The following SNX9 variants were observed in gnomAD, a reference collection of about 807,000 sequenced individuals.
SNX9 encodes the protein sorting nexin 9, also known as sorting nexin-9.
SNX9 carries 44 observed loss-of-function variants against 89.4 expected under a neutral mutation model. That is an observed-to-expected ratio of 0.49 (90% CI 0.39 to 0.63). The LOEUF (loss-of-function observed/expected upper bound fraction) is 0.63, where lower values mean the gene tolerates loss of function less well. SNX9 is among the 30% of genes least tolerant of loss of function. The pLI is 0.00. For synonymous variants in SNX9, 236 were observed against 247.8 expected, an observed-to-expected ratio of 0.95 and a Z score of 0.45; for missense variants, 578 against 736.1, an observed-to-expected ratio of 0.79 and a Z score of 2.49.
chr6:157,850,897 A>C (rs1419306603), intron 1 of SNX9, among the ~76,000 whole-genome samples: 1 of 152,232 alleles, frequency 6.6e-6, no homozygotes, highest in Non-Finnish European at 1.5e-5. Flanking sequence ...AGGAGCATGC[A>C]GTTAGGATAC....
At chr6:157,857,097 T>G (rs1371897824) in intron 1 of SNX9, among the ~76,000 whole-genome samples, 1 of 152,236 alleles carries the variant, frequency 6.6e-6, no homozygotes, top group Non-Finnish European at 1.5e-5. Flanking sequence ...CCTACCATTC[T>G]ATAATGATGA....
chr6:157,923,332 A>G (rs896685624), intron 10 of SNX9, among the ~76,000 whole-genome samples: 1 of 152,182 alleles, frequency 6.6e-6, no homozygotes, highest in Non-Finnish European at 1.5e-5. Flanking sequence ...GAAACCCCCA[A>G]AGAATCTGCA....
At chr6:157,890,955 C>T (rs1266087049) in intron 4 of SNX9, among the ~76,000 whole-genome samples, 6 of 151,768 alleles carry the variant, frequency 4.0e-5, no homozygotes, top group African/African-American at 7.3e-5. Flanking sequence ...GTATCATCCA[C>T]TTTCAGAACT....
At chr6:157,850,522 G>A (rs1309555243) in intron 1 of SNX9, among the ~76,000 whole-genome samples, 2 of 152,140 alleles carry the variant, frequency 1.3e-5, no homozygotes, top group Non-Finnish European at 2.9e-5. Flanking sequence ...CAGTCCCAGT[G>A]CAACTGGGTG....
chr6:157,877,123 G>A lies in SNX9; in HGVS notation c.300+1947G>A, dbSNP rs746248450. On this transcript the variant is annotated intron_variant, in intron 4 of 17. Transcript: ENST00000392185. ...AGCTATTATCTCAAGATAGGTGGAGGCAGTTTAGCTAATGAAAAGAAATTA... is the reference window on the plus strand; with the variant it reads ...AGCTATTATCTCAAGATAGGTGGAGACAGTTTAGCTAATGAAAAGAAATTA... Among the ~76,000 whole-genome samples, 80 of 152,310 alleles carry A rather than the reference G, an allele frequency of 5.3e-4. 1 individual carries two copies. Among genetic ancestry groups the A allele is most frequent in the Admixed American group, 7.2e-4 (11 of 15,300 alleles).
chr6:157,924,941 A>G (rs1783659367), intron 10 of SNX9, among the ~76,000 whole-genome samples: 1 of 152,262 alleles, frequency 6.6e-6, no homozygotes, highest in Non-Finnish European at 1.5e-5. Context: ...AAAGCAACAT[A>G]GTAATGCTTA....
At chr6:157,893,715 A>G (rs1263313393) in intron 4 of SNX9, among the ~76,000 whole-genome samples, 1 of 152,278 alleles carries the variant, frequency 6.6e-6, no homozygotes, top group African/African-American at 2.4e-5. Flanking sequence ...AGTGAAAGGC[A>G]TGAATAATTT....
At position 157,875,057 on chromosome 6, in the gene SNX9, C is replaced by A; in HGVS notation, c.181C>A (p.Pro61Thr). Residue 61 changes from proline (P) to threonine (T), a missense_variant, in exon 4 of 18, where the codon CCC (proline) becomes ACC (threonine). Physicochemically the swap from Pro to Thr is conservative, Grantham distance 38 (BLOSUM62 -1). Around this residue, in one of 2 missense-constraint regions of SNX9, gnomAD observed 230 missense variants for 244.7 expected, o/e 0.94. Transcript: ENST00000392185. ...LVPTDYVEIL[P>T]SDGKDQFSCG... ...GGCTCTTTCTCCTATTCAGATTTTACCCAGTGATGGAAAAGATCAATTTTC... is the reference window on the plus strand; with the variant it reads ...GGCTCTTTCTCCTATTCAGATTTTAACCAGTGATGGAAAAGATCAATTTTC... 2 of 1,613,724 alleles carry A rather than the reference C, an allele frequency of 1.2e-6. No homozygotes were observed. The highest frequency in any genetic ancestry group is 8.5e-7 in the Non-Finnish European group (1 of 1,179,836).
rs1227381270 is a variant in SNX9 at position 157,932,249 on chromosome 6, T to G, written c.1343T>G (p.Val448Gly). ...AAGGCCTTGCAGAGTTTGGCCACAG[T>G]GTTCAGTTCCAGTGGCTATCAAGGT... is the stretch of plus-strand genomic sequence containing the variant. ...IGKALQSLAT[V>G]FSSSGYQGET... The change falls in exon 13 of 18, where the codon GTG becomes GGG. Residue 448 changes from valine (V) to glycine (G), a missense_variant. Coordinates refer to ENST00000392185, the MANE Select transcript of SNX9 (RefSeq NM_016224.5). 1 of 1,614,174 alleles carries G rather than the reference T, an allele frequency of 6.2e-7. No individual in the cohort carries two copies. The highest frequency in any genetic ancestry group is 8.5e-7 in the Non-Finnish European group (1 of 1,180,016).
chr6:157,932,155 T>C, intron 12 of SNX9, 40 bp from the exon 13 acceptor site: 1 of 1,570,348 alleles, frequency 6.4e-7, no homozygotes, highest in Admixed American at 1.7e-5. Flanking sequence ...CATTTCAGTT[T>C]GCTCAGAAGA....
chr6:157,892,369 C>T lies in SNX9; in HGVS notation c.301-4458C>T, dbSNP rs970239019. Among the ~76,000 whole-genome samples, 7 of 152,070 alleles carry T rather than the reference C, an allele frequency of 4.6e-5. No individual in the cohort carries two copies. The East Asian group carries it at 9.7e-4, about 21-fold the overall frequency. On this transcript the variant is annotated intron_variant, in intron 4 of 17. Transcript: ENST00000392185. Reference sequence around the variant, plus strand: ...AGGCCATCTGCTGAGGGACTGAGTCCGAGGGCCGTGACGGAAGCTGCAGGA... The same window carrying T: ...AGGCCATCTGCTGAGGGACTGAGTCTGAGGGCCGTGACGGAAGCTGCAGGA...
intron 9 of SNX9, among the ~76,000 whole-genome samples, chr6:157,912,961 A>G (rs1282084272): frequency 6.6e-6 from 1 of 152,200 alleles, no homozygotes; most frequent in Admixed American, 6.5e-5. Flanking sequence ...TTAGAGATAA[A>G]CCAGCTATGT....
intron 2 of SNX9, among the ~76,000 whole-genome samples, chr6:157,870,555 C>T (rs1479956939): frequency 2.7e-5 from 4 of 148,648 alleles, no homozygotes; most frequent in African/African-American, 1.0e-4. Context: ...ACACTCTCAC[C>T]TGCTCTCACA....
intron 14 of SNX9, 29 bp from the exon 15 acceptor site, chr6:157,937,405 A>G (rs1383259031): frequency 2.0e-6 from 3 of 1,488,062 alleles, no homozygotes; most frequent in Non-Finnish European, 2.8e-6. Context: ...TTTCTCTGCC[A>G]GTAACAATCA....
Position 157,940,926 on chromosome 6 carries a change from CAG to C in SNX9, c.1693_1694del (p.Ser565CysfsTer37), listed in dbSNP as rs761474556. On this transcript the variant is annotated frameshift_variant, in exon 17 of 18. Transcript: ENST00000392185. LOFTEE classifies it high-confidence loss of function. ...ACAGTAACCGGATCTATGATTACAA[CAG>C]TGTCATCCGCCTGTACCTGGAGCAG... Reference protein sequence around the residue: ...FHSNRIYDYNSVIRLYLEQQV... With the variant: ...FHSNRIYDYNXVIRLYLEQQV... The C allele has an allele frequency of 6.2e-7, 1 of 1,614,234 alleles. No individual in the cohort carries two copies. Among genetic ancestry groups the C allele is most frequent in the Non-Finnish European group, 8.5e-7 (1 of 1,180,034 alleles).
intron 1 of SNX9, among the ~76,000 whole-genome samples, chr6:157,833,185 A>G (rs942351257): frequency 9.2e-5 from 14 of 152,202 alleles, no homozygotes; most frequent in African/African-American, 2.7e-4. Flanking sequence ...ATAGTTGCCT[A>G]TTGCATAGTG....
intron 1 of SNX9, among the ~76,000 whole-genome samples, chr6:157,854,969 A>G (rs9347701): frequency 6.7e-6 from 1 of 148,376 alleles, no homozygotes; most frequent in Admixed American, 6.7e-5. Flanking sequence ...AAAAAAAAAA[A>G]CCCCACAACA....
rs1386823216 is a variant in SNX9 at position 157,942,820 on chromosome 6, C to G, written c.1770C>G (p.Ser590Arg). The G allele has an allele frequency of 6.2e-7, 1 of 1,613,894 alleles. No individual in the cohort carries two copies. Among genetic ancestry groups the G allele is most frequent in the East Asian group, 2.2e-5 (1 of 44,870 alleles). ...TIAEKLRQAL[S>R]RFPVM ...CAGAAAAGCTGAGGCAGGCCCTCAG[C>G]CGCTTTCCAGTGATGTAGGACAGAA... Residue 590 changes from serine (S) to arginine (R), a missense_variant, in exon 18 of 18, where the codon AGC (serine) becomes AGG (arginine). Physicochemically the swap from Ser to Arg is moderately radical, Grantham distance 110. Coordinates refer to ENST00000392185, the MANE Select transcript of SNX9 (RefSeq NM_016224.5).
chr6:157,838,611 T>G (rs1253491411), intron 1 of SNX9, among the ~76,000 whole-genome samples: 1 of 152,182 alleles, frequency 6.6e-6, no homozygotes, highest in African/African-American at 2.4e-5. Context: ...TGTGAAAATT[T>G]TATGTAGAAG....
Sources: gnomAD v4.1 joint callset for allele counts (sites outside exome capture counted in the v4.1 genomes callset) on GRCh38, gnomAD v4.1.1 for gene constraint, gnomAD v4.1.1 regional missense constraint, MANE v1.5 for transcripts, NCBI Gene and HGNC (gene_info 2026-07-23, HGNC 2026-07-21) for gene names.